Variants in PHTF2 observed in about 807,000 individuals in gnomAD.
PHTF2 encodes the protein protein PHTF2.
A neutral mutation model predicts 101.2 loss-of-function variants in PHTF2; 60 were observed. The observed-to-expected ratio is 0.59, with a 90% confidence interval of 0.48 to 0.73. The LOEUF is 0.73. Ranked by LOEUF, PHTF2 falls within the 30% of genes least tolerant of loss-of-function variation. The pLI, the probability that PHTF2 is intolerant of heterozygous loss-of-function variation, is 0.00. For synonymous variants in PHTF2, 311 were observed against 307.3 expected (o/e 1.01, Z -0.13); for missense variants, 747 against 908.7 (o/e 0.82, Z 2.29).
At chr7:77,921,052 T>C (rs1803414644) in intron 10 of PHTF2, among the ~76,000 whole-genome samples, 1 of 152,222 alleles carries the variant, frequency 6.6e-6, no homozygotes, top group Non-Finnish European at 1.5e-5. Flanking sequence ...TCTTTCCCTA[T>C]TTCTGTGTGT....
intron 3 of PHTF2, among the ~76,000 whole-genome samples, chr7:77,884,781 C>T (rs998919145): frequency 6.6e-6 from 1 of 152,156 alleles, no homozygotes; most frequent in Non-Finnish European, 1.5e-5. Context: ...CACCTGTAGT[C>T]CCAGTTACTC....
At chr7:77,813,370 G>A (rs1048517397) in intron 1 of PHTF2, among the ~76,000 whole-genome samples, 2 of 152,194 alleles carry the variant, frequency 1.3e-5, no homozygotes, top group Non-Finnish European at 2.9e-5. Flanking sequence ...TATACTACCC[G>A]TAGATTGTAT....
At chr7:77,902,446 AC>A (rs1240615548) in intron 7 of PHTF2, among the ~76,000 whole-genome samples, 3 of 152,176 alleles carry the variant, frequency 2.0e-5, no homozygotes, top group African/African-American at 7.2e-5. Flanking sequence ...GACCTGAAAG[AC>A]CTGAGTGCCC....
At chr7:77,925,596 G>A (rs1217070638) in intron 11 of PHTF2, among the ~76,000 whole-genome samples, 1 of 126,352 alleles carries the variant, frequency 7.9e-6, no homozygotes, top group South Asian at 2.7e-4. Context: ...TGCAACCTCC[G>A]CCTCCCGGGT....
intron 1 of PHTF2, among the ~76,000 whole-genome samples, chr7:77,835,625 G>A (rs1350933584): frequency 2.0e-5 from 3 of 152,088 alleles, no homozygotes; most frequent in Non-Finnish European, 4.4e-5. Context: ...AACAATTGGG[G>A]TTAGGGATAC....
intron 2 of PHTF2, among the ~76,000 whole-genome samples, chr7:77,850,641 C>CAAAAA (rs545263519): frequency 1.9e-5 from 1 of 52,748 alleles, no homozygotes. Context: ...GACCCTGTCT[C>CAAAAA]AAAAAAAAAA....
chr7:77,939,152 T>A (rs1177287497), intron 13 of PHTF2, among the ~76,000 whole-genome samples: 1 of 152,230 alleles, frequency 6.6e-6, no homozygotes, highest in Non-Finnish European at 1.5e-5. Context: ...TCTAGCATAC[T>A]GGAAGCTTTT....
chr7:77,906,832 T>C lies in PHTF2; in HGVS notation c.446-1961T>C, dbSNP rs528904008. On this transcript the variant is annotated intron_variant, in intron 7 of 19. Coordinates refer to ENST00000416283, the Ensembl canonical transcript of PHTF2. Reference sequence around the variant, plus strand: ...CTGAGGCAGGAGAATGGCGTGAACCTGGGAGGCGGAGCTTGCAGTGAGCCG... The same window carrying C: ...CTGAGGCAGGAGAATGGCGTGAACCCGGGAGGCGGAGCTTGCAGTGAGCCG... Among the ~76,000 whole-genome samples the C allele has an allele frequency of 4.0e-5, 6 of 149,608 alleles. No homozygotes were observed. In the South Asian group the frequency reaches 8.6e-4, roughly 21 times the overall value.
Position 77,803,688 on chromosome 7 carries a change from CGTGTGT to C in PHTF2, c.-36+4750_-36+4755del, listed in dbSNP as rs34239792. ...CAGTTATTTGACTGAGTTGAACAGG[CGTGTGT>C]GTGTGTGTGTGTGTGTGTGTGTGTG... is the stretch of plus-strand genomic sequence containing the variant. On this transcript the variant is annotated intron_variant, in intron 1 of 19. Coordinates refer to ENST00000416283, the Ensembl canonical transcript of PHTF2. Among the ~76,000 whole-genome samples, 826 of 140,928 alleles carry C rather than the reference CGTGTGT, an allele frequency of 5.9e-3. 10 individuals carry two copies. The highest frequency in any genetic ancestry group is 0.021 in the South Asian group (92 of 4,366). The allele number at this position is 140,928 out of a possible 152,430, so 92.5% of individuals were successfully genotyped here. A position where few individuals can be genotyped will look rare whatever the true frequency, so the allele number is the denominator to read the frequency against.
At chr7:77,835,317 G>A (rs1438208627) in intron 1 of PHTF2, among the ~76,000 whole-genome samples, 1 of 151,674 alleles carries the variant, frequency 6.6e-6, no homozygotes, top group African/African-American at 2.4e-5. Context: ...GCTTCATCTT[G>A]GAGGAAGTAG....
intron 2 of PHTF2, among the ~76,000 whole-genome samples, chr7:77,852,306 A>G (rs1438595623): frequency 2.0e-5 from 3 of 152,254 alleles, no homozygotes; most frequent in African/African-American, 4.8e-5. Flanking sequence ...AGCCTGGCCA[A>G]CATGGTGAAA....
chr7:77,850,199 A>G (rs117859814), intron 2 of PHTF2, among the ~76,000 whole-genome samples: 3,271 of 150,700 alleles, frequency 0.022, 51 homozygotes, highest in Middle Eastern at 0.068. Context: ...AAATTTAAAA[A>G]AAAAAAAAAA....
At chr7:77,911,926 A>G (rs145480165) in intron 9 of PHTF2, among the ~76,000 whole-genome samples, 15 of 152,358 alleles carry the variant, frequency 9.8e-5, no homozygotes, top group African/African-American at 2.9e-4. Flanking sequence ...GCATGCAACA[A>G]TTTAGTCACT....
Position 77,898,337 on chromosome 7 carries a change from A to G in PHTF2, c.217-2374A>G, listed in dbSNP as rs1362276264. Among the ~76,000 whole-genome samples the G allele has an allele frequency of 2.0e-5, 3 of 152,216 alleles. No homozygotes were observed. The East Asian group carries it at 5.8e-4, about 29-fold the overall frequency. ...TTACTTTCAAGTTGTTAGGGAAGCAATTTATAAAAAACAAGTAAATTAAAA... is the reference window on the plus strand; with the variant it reads ...TTACTTTCAAGTTGTTAGGGAAGCAGTTTATAAAAAACAAGTAAATTAAAA... On this transcript the variant is annotated intron_variant, in intron 5 of 19. Transcript: ENST00000416283.
chr7:77,808,800 C>T (rs1389144104), intron 1 of PHTF2, among the ~76,000 whole-genome samples: 1 of 152,162 alleles, frequency 6.6e-6, no homozygotes, highest in African/African-American at 2.4e-5. Context: ...ACTTTGCAGA[C>T]AGCACACTTG....
intron 3 of PHTF2, among the ~76,000 whole-genome samples, chr7:77,875,761 G>A (rs764726507): frequency 5.3e-5 from 8 of 151,996 alleles, no homozygotes; most frequent in South Asian, 2.1e-4. Context: ...GTTTCAGTGC[G>A]TTAGCCGGGA....
chr7:77,887,677 A>G (rs554423045), intron 3 of PHTF2, among the ~76,000 whole-genome samples: 7 of 152,298 alleles, frequency 4.6e-5, no homozygotes, highest in South Asian at 4.1e-4. Flanking sequence ...AGGCATTGGT[A>G]TAGGATTGCC....
chr7:77,842,559 A>G (rs1795974481), intron 2 of PHTF2, among the ~76,000 whole-genome samples: 1 of 152,192 alleles, frequency 6.6e-6, no homozygotes, highest in Non-Finnish European at 1.5e-5. Flanking sequence ...TTATTGCAAA[A>G]AAAAAGCAGC....
At chr7:77,817,352 A>C (rs1370149624) in intron 1 of PHTF2, among the ~76,000 whole-genome samples, 1 of 152,196 alleles carries the variant, frequency 6.6e-6, no homozygotes, top group Non-Finnish European at 1.5e-5. Flanking sequence ...TAATAAAGAC[A>C]TACCTGAGCC....
Sources: gnomAD v4.1 joint callset for allele counts (sites outside exome capture counted in the v4.1 genomes callset) on GRCh38, gnomAD v4.1.1 for gene constraint, MANE v1.5 for transcripts, NCBI Gene and HGNC (gene_info 2026-07-23, HGNC 2026-07-21) for gene names.